Variants in LRRFIP1 observed in about 807,000 individuals in gnomAD.
LRRFIP1 encodes leucine-rich repeat flightless-interacting protein 1.
LRRFIP1 carries 62 observed loss-of-function variants against 104.4 expected under a neutral mutation model. The ratio of observed to expected loss-of-function variants is 0.59; its 90% CI spans 0.48 to 0.73. LRRFIP1 has a LOEUF of 0.73. Ranked by LOEUF, LRRFIP1 falls within the 30% of genes least tolerant of loss-of-function variation. The pLI, the probability that LRRFIP1 is intolerant of heterozygous loss-of-function variation, is 0.00. For synonymous variants in LRRFIP1, 300 were observed against 299.0 expected, an observed-to-expected ratio of 1.00 and a Z score of -0.03; for missense variants, 796 against 824.5, an observed-to-expected ratio of 0.97 and a Z score of 0.42.
chr2:237,733,733 T>G (rs767916510), intron 8 of LRRFIP1, 41 bp from the exon 9 acceptor site: 1 of 1,607,988 alleles, frequency 6.2e-7, no homozygotes, highest in Non-Finnish European at 8.5e-7. Flanking sequence ...TTGCTGTTTT[T>G]TCAAGGCTTT....
At chr2:237,647,090 T>C (rs1365858635) in intron 1 of LRRFIP1, among the ~76,000 whole-genome samples, 1 of 152,044 alleles carries the variant, frequency 6.6e-6, no homozygotes, top group Admixed American at 6.5e-5. Flanking sequence ...GCTTCCTTTT[T>C]CCTCATTTGA....
intron 1 of LRRFIP1, among the ~76,000 whole-genome samples, chr2:237,692,729 C>T (rs1184244561): frequency 2.6e-5 from 4 of 152,152 alleles, no homozygotes; most frequent in African/African-American, 4.8e-5. Context: ...CTAGGAAGCA[C>T]GCTTTATTGT....
chr2:237,774,506 A>G (rs749333475), intron 23 of LRRFIP1, 44 bp downstream of exon 23: 6 of 1,292,626 alleles, frequency 4.6e-6, no homozygotes, highest in Non-Finnish European at 6.7e-6. Context: ...GGCTGCCAGT[A>G]TTTCTCTAGT....
chr2:237,740,011 C>T (rs941327173), intron 11 of LRRFIP1, among the ~76,000 whole-genome samples: 6 of 152,050 alleles, frequency 3.9e-5, no homozygotes, highest in South Asian at 2.1e-4. Context: ...CCAGGCTGCA[C>T]GACCAGACCA....
rs770267925 is a variant in LRRFIP1, at chr2:237,749,308, C to T, written c.779C>T (p.Ser260Phe). 6.2e-7 allele frequency: 1 copy of T among 1,613,666 alleles called. No individual in the cohort carries two copies. The highest frequency in any genetic ancestry group is 8.5e-7 in the Non-Finnish European group (1 of 1,179,950). The change falls in exon 13 of 24, where the codon TCC (serine) becomes TTC (phenylalanine). Residue 260 changes from serine (S) to phenylalanine (F), a missense_variant. Transcript: ENST00000308482. ...DTSISIDTEA[S>F]IREIKELNEL... The stretch of plus-strand genomic sequence containing the variant: ...TCCATCTCCATCGACACCGAGGCAT[C>T]CATCAGGGAAATCAAGGTGAGATGC...
intron 8 of LRRFIP1, among the ~76,000 whole-genome samples, chr2:237,728,817 CCTT>C (rs1289751141): frequency 6.6e-6 from 1 of 152,176 alleles, no homozygotes; most frequent in East Asian, 1.9e-4. Flanking sequence ...CCCACCCAGA[CCTT>C]CTTCCCTCTC....
intron 1 of LRRFIP1, among the ~76,000 whole-genome samples, chr2:237,637,129 TAA>T (rs1416896131): frequency 3.3e-5 from 5 of 152,090 alleles, no homozygotes; most frequent in Non-Finnish European, 7.4e-5. Context: ...GCTGAGCAAA[TAA>T]AGATAGTAAA....
At chr2:237,721,029 G>A (rs1224143026) in intron 6 of LRRFIP1, 8 of 520,856 alleles carry the variant, frequency 1.5e-5, no homozygotes, top group Non-Finnish European at 2.8e-5. Context: ...AGGCACGTTG[G>A]TTGTTTCTTT....
At chr2:237,743,290 A>AG (rs929925385) in intron 11 of LRRFIP1, among the ~76,000 whole-genome samples, 6 of 140,240 alleles carry the variant, frequency 4.3e-5, no homozygotes, top group Non-Finnish European at 7.8e-5. Flanking sequence ...CACCCATCAG[A>AG]GGGGAGGGAG....
chr2:237,769,892 A>G lies in LRRFIP1; in HGVS notation c.1460-51A>G, dbSNP rs139595348. ...ATTCTTCAGTTTAGCAATGTGCTGAAAGGCGCGGCACGCGGATTCACCTAA... is the reference window on the plus strand; with the variant it reads ...ATTCTTCAGTTTAGCAATGTGCTGAGAGGCGCGGCACGCGGATTCACCTAA... On this transcript the variant is annotated intron_variant, in intron 19 of 23. Transcript: ENST00000308482. 336 of 1,368,296 alleles carry G rather than the reference A, an allele frequency of 2.5e-4. 3 individuals are homozygous for G. In the African/African-American group the frequency reaches 4.1e-3, roughly 17 times the overall value. 84.8% of individuals were successfully genotyped at this position (1,368,296 alleles called of 1,614,324 possible). A position where few individuals can be genotyped will look rare whatever the true frequency, so the allele number is the denominator to read the frequency against.
Position 237,726,648 on chromosome 2 carries a change from C to T in LRRFIP1, c.385-1228C>T, listed in dbSNP as rs150399978. ...TAAATAATTACTTAAGGTCACATGACGGAGCTTCTTTGTGGAATTTGGACT... is the reference window on the plus strand; with the variant it reads ...TAAATAATTACTTAAGGTCACATGATGGAGCTTCTTTGTGGAATTTGGACT... On this transcript the variant is annotated intron_variant, in intron 7 of 23. Coordinates refer to ENST00000308482, the MANE Select transcript of LRRFIP1 (RefSeq NM_001137550.2). Among the ~76,000 whole-genome samples, 122 of 152,334 alleles carry T rather than the reference C, an allele frequency of 8.0e-4. 1 individual carries two copies. Among genetic ancestry groups the T allele is most frequent in the African/African-American group, 2.5e-3 (103 of 41,576 alleles).
intron 1 of LRRFIP1, among the ~76,000 whole-genome samples, chr2:237,706,517 G>A (rs571859935): frequency 6.6e-6 from 1 of 152,334 alleles, no homozygotes; most frequent in Admixed American, 6.5e-5. Flanking sequence ...AGGAAGGGCT[G>A]CACTTGGCGT....
chr2:237,669,012 T>C (rs1490441484), intron 1 of LRRFIP1, among the ~76,000 whole-genome samples: 1 of 152,206 alleles, frequency 6.6e-6, no homozygotes, highest in African/African-American at 2.4e-5. Flanking sequence ...CTCCTTTTTT[T>C]AAGGAAAGAA....
chr2:237,730,380 T>C (rs2094947313), intron 8 of LRRFIP1, among the ~76,000 whole-genome samples: 1 of 152,188 alleles, frequency 6.6e-6, no homozygotes, highest in Admixed American at 6.5e-5. Context: ...CTAAAATTGC[T>C]AAGGCTTGTT....
intron 1 of LRRFIP1, among the ~76,000 whole-genome samples, chr2:237,659,664 A>G (rs1437832986): frequency 6.6e-6 from 1 of 150,410 alleles, no homozygotes; most frequent in African/African-American, 2.4e-5. Context: ...TATTTTAGAG[A>G]CAGAGTCTTG....
intron 1 of LRRFIP1, among the ~76,000 whole-genome samples, chr2:237,655,732 C>A (rs974059387): frequency 6.6e-6 from 1 of 152,222 alleles, no homozygotes; most frequent in Non-Finnish European, 1.5e-5. Context: ...TCTCTGTATT[C>A]TCTGTAGAAA....
intron 21 of LRRFIP1, 30 bp from the exon 22 acceptor site, chr2:237,772,836 A>C (rs758075652): frequency 6.8e-7 from 1 of 1,471,752 alleles, no homozygotes; most frequent in East Asian, 2.3e-5. Flanking sequence ...CCAAGAGCTT[A>C]ACAGATTTTC....
intron 14 of LRRFIP1, 80 bp from the exon 15 acceptor site, chr2:237,753,229 T>G (rs1219998767): frequency 4.6e-6 from 5 of 1,084,808 alleles, no homozygotes; most frequent in South Asian, 1.6e-5. Flanking sequence ...GACTGAGGGT[T>G]TTTTTTTAAC....
At chr2:237,750,326 C>CTTTTTTTTTTTTTT (rs928510240) in intron 13 of LRRFIP1, among the ~76,000 whole-genome samples, 20 of 60,708 alleles carry the variant, frequency 3.3e-4, no homozygotes, top group East Asian at 1.0e-3. Flanking sequence ...TTCTTTCTTT[C>CTTTTTTTTTTTTTT]TTTTTTTTTT....
Sources: gnomAD v4.1 joint callset for allele counts (sites outside exome capture counted in the v4.1 genomes callset) on GRCh38, gnomAD v4.1.1 for gene constraint, MANE v1.5 for transcripts, NCBI Gene and HGNC (gene_info 2026-07-23, HGNC 2026-07-21) for gene names.